The following ZFYVE16 variants were observed in gnomAD, a reference collection of about 807,000 sequenced individuals.
ZFYVE16 encodes zinc finger FYVE-type containing 16, also known as zinc finger FYVE domain-containing protein 16.
Under a neutral mutation model 138.1 loss-of-function variants are expected in ZFYVE16, and 89 were observed. That is an observed-to-expected ratio of 0.64 (90% CI 0.54 to 0.77). The LOEUF is 0.77. ZFYVE16 is among the 30% of genes least tolerant of loss of function. The pLI, the probability that ZFYVE16 is intolerant of heterozygous loss-of-function variation, is 0.00. For synonymous variants in ZFYVE16, 596 were observed against 618.3 expected, an observed-to-expected ratio of 0.96 and a Z score of 0.53; for missense variants, 1,793 against 1,786.7, an observed-to-expected ratio of 1.00 and a Z score of -0.06.
rs1749534987 is a variant in ZFYVE16 at position 80,434,177 on chromosome 5, T to C, written c.30T>C (p.Ser10=). 1 of 1,613,334 alleles carries C rather than the reference T, an allele frequency of 6.2e-7. No homozygotes were observed. Among genetic ancestry groups the C allele is most frequent in the African/African-American group, 1.3e-5 (1 of 74,936 alleles). ...ACAGTTATTTTAAAGCAGCTGTCAG[T>C]GACTTGGACAAACTCCTTGATGATT... is the stretch of plus-strand genomic sequence containing the variant. MDSYFKAAV[S]DLDKLLDDFE... The change falls in exon 3 of 19, where the codon AGT becomes AGC. Residue 10 remains serine (S), a synonymous_variant. Coordinates refer to ENST00000505560, the MANE Select transcript of ZFYVE16 (RefSeq NM_001284236.3).
rs1375837680 is a variant in ZFYVE16 at position 80,478,929 on chromosome 5, G to C, written c.*1552G>C. 1.3e-5 allele frequency: 2 copies of C among 152,126 alleles called. No individual in the cohort carries two copies. Among genetic ancestry groups the C allele is most frequent in the Non-Finnish European group, 2.9e-5 (2 of 67,984 alleles). The allele number at this position is 152,126 out of a possible 1,614,324, so 9.4% of individuals were successfully genotyped here. Reference sequence around the variant, plus strand: ...AATTTGTGAAATTTATTGAAATGGTGTAAGATGAAAACAATTGCATATCAA... The same window carrying C: ...AATTTGTGAAATTTATTGAAATGGTCTAAGATGAAAACAATTGCATATCAA... On this transcript the variant is annotated 3_prime_UTR_variant, in exon 19 of 19. Coordinates refer to ENST00000505560, the MANE Select transcript of ZFYVE16 (RefSeq NM_001284236.3).
intron 2 of ZFYVE16, among the ~76,000 whole-genome samples, chr5:80,430,468 T>G (rs1377694195): frequency 2.0e-5 from 3 of 151,862 alleles, no homozygotes; most frequent in Non-Finnish European, 2.9e-5. Context: ...TAGCACTAAA[T>G]GCCCACAAGA....
At chr5:80,429,637 G>A (rs965753558) in intron 2 of ZFYVE16, among the ~76,000 whole-genome samples, 2 of 152,148 alleles carry the variant, frequency 1.3e-5, no homozygotes, top group Non-Finnish European at 2.9e-5. Context: ...AAATGCTCCA[G>A]TTAAAAGACA....
At chr5:80,427,699 G>A (rs1201500162) in intron 2 of ZFYVE16, among the ~76,000 whole-genome samples, 154 bp downstream of exon 2, 1 of 146,502 alleles carries the variant, frequency 6.8e-6, no homozygotes, top group Non-Finnish European at 1.5e-5. Flanking sequence ...AGGTGGCCAG[G>A]TGCAGTGTCT....
rs373884175 is a variant in ZFYVE16 at position 80,437,982 on chromosome 5, C to G, written c.1297C>G (p.Leu433Val). ...TGGGGAACCATTCAAAGAGAATGATCTTTTGAAACAGGAAAAATGTAAAAG... is the reference window on the plus strand; with the variant it reads ...TGGGGAACCATTCAAAGAGAATGATGTTTTGAAACAGGAAAAATGTAAAAG... ...LGGEPFKENDLLKQEKCKSIL... is the reference protein window; with the variant it reads ...LGGEPFKENDVLKQEKCKSIL... Residue 433 changes from leucine to valine, a missense_variant, in exon 4 of 19, where the codon CTT becomes GTT. Physicochemically the swap from Leu to Val is conservative, Grantham distance 32. Coordinates refer to ENST00000505560, the MANE Select transcript of ZFYVE16 (RefSeq NM_001284236.3). 7 of 1,613,806 alleles carry G rather than the reference C, an allele frequency of 4.3e-6. No individual in the cohort carries two copies. The highest frequency in any genetic ancestry group is 5.9e-6 in the Non-Finnish European group (7 of 1,179,956).
chr5:80,448,261 A>G lies in ZFYVE16; in HGVS notation c.2960A>G (p.Asn987Ser). ...TCTAGTCCTACTGGTGTCTTAGTTA[A>G]CAGCAATTTACCTATTGCTAGTATT... ...EPSSPTGVLV[N>S]SNLPIASISD... Residue 987 changes from asparagine (N) to serine (S), a missense_variant, in exon 8 of 19, where the codon AAC (asparagine) becomes AGC (serine). This residue lies in a region of ZFYVE16 where 1,295 missense variants were observed against 1,204.3 expected (regional missense o/e 1.08). Transcript: ENST00000505560. 6.2e-7 allele frequency: 1 copy of G among 1,613,802 alleles called. No individual in the cohort carries two copies. Among genetic ancestry groups the G allele is most frequent in the South Asian group, 1.1e-5 (1 of 91,064 alleles).
chr5:80,448,501 GT>G, intron 8 of ZFYVE16, 97 bp downstream of exon 8: 1 of 1,197,078 alleles, frequency 8.4e-7, no homozygotes, highest in Non-Finnish European at 1.1e-6. Flanking sequence ...ACTTAGTTTG[GT>G]TGCAATATGT....
Position 80,459,407 on chromosome 5 carries a change from T to G in ZFYVE16, c.3944-7T>G, listed in dbSNP as rs1305019670. 6 of 1,608,942 alleles carry G rather than the reference T, an allele frequency of 3.7e-6. No individual in the cohort carries two copies. Among genetic ancestry groups the G allele is most frequent in the Non-Finnish European group, 5.1e-6 (6 of 1,178,218 alleles). On this transcript the variant is annotated splice_polypyrimidine_tract_variant and splice_region_variant and intron_variant, in intron 14 of 18. Coordinates refer to ENST00000505560, the MANE Select transcript of ZFYVE16 (RefSeq NM_001284236.3). Reference sequence around the variant, plus strand: ...TAAAACAAATAATTGTTGTATTTCTTGATCAGTGACAGGTGCAAGTTTTGT... The same window carrying G: ...TAAAACAAATAATTGTTGTATTTCTGGATCAGTGACAGGTGCAAGTTTTGT...
Position 80,448,340 on chromosome 5 carries a change from T to C in ZFYVE16, c.3039T>C (p.Ser1013=). 6.2e-7 allele frequency: 1 copy of C among 1,606,502 alleles called. No individual in the cohort carries two copies. Among genetic ancestry groups the C allele is most frequent in the East Asian group, 2.2e-5 (1 of 44,780 alleles). ...ACAAGTATGTCTGCAATAAGATTAG[T>C]CTTCTACCTAATGATGAGGACAGTT... ...DINKYVCNKI[S]LLPNDEDSLP... The change falls in exon 8 of 19, where the codon AGT becomes AGC. Residue 1013 remains serine, a synonymous_variant. Transcript: ENST00000505560.
At chr5:80,476,172 G>A (rs1754890490) in intron 18 of ZFYVE16, among the ~76,000 whole-genome samples, 1 of 152,108 alleles carries the variant, frequency 6.6e-6, no homozygotes, top group African/African-American at 2.4e-5. Flanking sequence ...TTGAACTCTT[G>A]ACCTCATGTG....
chr5:80,436,349 A>G (rs889204084), intron 3 of ZFYVE16, among the ~76,000 whole-genome samples: 1 of 152,248 alleles, frequency 6.6e-6, no homozygotes, highest in Non-Finnish European at 1.5e-5. Context: ...CAAACAAAGC[A>G]AAGATCAAGG....
intron 17 of ZFYVE16, 123 bp from the exon 18 acceptor site, chr5:80,474,540 A>G: frequency 1.0e-6 from 1 of 998,002 alleles, no homozygotes; most frequent in Non-Finnish European, 1.5e-6. Context: ...TCGATACAGA[A>G]TTCTCACAAC....
In ZFYVE16 at chr5:80,465,400, G is replaced by GTTTT. The variant is rs3072097; in HGVS notation, c.4024+5927_4024+5930dup. On this transcript the variant is annotated intron_variant, in intron 15 of 18. Coordinates refer to ENST00000505560, the MANE Select transcript of ZFYVE16 (RefSeq NM_001284236.3). ...GGTTTCTTTTTTTTTCCTTTTCTTT[G>GTTTT]TTTTTTTTTTTTTTTTTTTTTTTTG... 5.1e-3 allele frequency among the ~76,000 whole-genome samples: 136 copies of GTTTT among 26,768 alleles called. 24 individuals are homozygous for GTTTT. The highest frequency in any genetic ancestry group is 0.05 in the Middle Eastern group (1 of 20). The allele number at this position is 26,768 out of a possible 152,430, so 17.6% of individuals were successfully genotyped here.
At position 80,481,897 on chromosome 5, in the gene ZFYVE16, G is replaced by A. The variant is rs1352292891; in HGVS notation, c.*4520G>A. On this transcript the variant is annotated 3_prime_UTR_variant, in exon 19 of 19. Coordinates refer to ENST00000505560, the MANE Select transcript of ZFYVE16 (RefSeq NM_001284236.3). ...TGCAGTGATACAATCTTGGCTCACTGCAACCTCCACCCCCAGGGTGCAAGT... is the reference window on the plus strand; with the variant it reads ...TGCAGTGATACAATCTTGGCTCACTACAACCTCCACCCCCAGGGTGCAAGT... Among the ~76,000 whole-genome samples, 1 of 152,150 alleles carries A rather than the reference G, an allele frequency of 6.6e-6. No individual in the cohort carries two copies. Among genetic ancestry groups the A allele is most frequent in the Non-Finnish European group, 1.5e-5 (1 of 68,026 alleles).
chr5:80,421,979 T>C (rs1253809142), intron 1 of ZFYVE16, among the ~76,000 whole-genome samples: 1 of 152,220 alleles, frequency 6.6e-6, no homozygotes, highest in Non-Finnish European at 1.5e-5. Flanking sequence ...TGTTAAGCAG[T>C]GGTTTGTAGT....
At chr5:80,460,043 A>G (rs1282926562) in intron 15 of ZFYVE16, among the ~76,000 whole-genome samples, 1 of 152,124 alleles carries the variant, frequency 6.6e-6, no homozygotes, top group Non-Finnish European at 1.5e-5. Context: ...TAGATTAGTA[A>G]ATGTTCACTT....
intron 12 of ZFYVE16, 165 bp downstream of exon 12, chr5:80,455,939 T>C: frequency 1.6e-6 from 1 of 615,576 alleles, no homozygotes; most frequent in East Asian, 3.3e-5. Flanking sequence ...TGCTCAGTTT[T>C]TGACGAATTG....
chr5:80,469,678 G>A lies in ZFYVE16; in HGVS notation c.4025-3083G>A, dbSNP rs374375365. Among the ~76,000 whole-genome samples the A allele has an allele frequency of 1.1e-4, 17 of 151,796 alleles. 1 individual carries two copies. Among genetic ancestry groups the A allele is most frequent in the African/African-American group, 3.9e-4 (16 of 41,394 alleles). ...TGAGTGTGTGTACACAAATATATGT[G>A]CATGTGTGTGTTAGATTGTTTTGTG... is the stretch of plus-strand genomic sequence containing the variant. On this transcript the variant is annotated intron_variant, in intron 15 of 18. Transcript: ENST00000505560.
chr5:80,437,354 A>G lies in ZFYVE16; in HGVS notation c.669A>G (p.Gly223=). 5 of 1,602,166 alleles carry G rather than the reference A, an allele frequency of 3.1e-6. No homozygotes were observed. The highest frequency in any genetic ancestry group is 4.3e-6 in the Non-Finnish European group (5 of 1,176,012). ...TTTCAGATTCCTATAATTACAGTGG[A>G]ACAGAAAATTTAAAAGATAAAAAGA... The part of the protein sequence containing the change: ...TTLSDSYNYS[G]TENLKDKKIF... The change falls in exon 4 of 19, where the codon GGA becomes GGG. Residue 223 remains glycine, a synonymous_variant. Coordinates refer to ENST00000505560, the MANE Select transcript of ZFYVE16 (RefSeq NM_001284236.3).
Sources: gnomAD v4.1 joint callset for allele counts (sites outside exome capture counted in the v4.1 genomes callset) on GRCh38, gnomAD v4.1.1 for gene constraint, gnomAD v4.1.1 regional missense constraint, MANE v1.5 for transcripts, NCBI Gene and HGNC (gene_info 2026-07-23, HGNC 2026-07-21) for gene names.